The following PPP2R1B variants were observed in gnomAD, a reference collection of about 807,000 sequenced individuals.
The protein encoded by PPP2R1B is protein phosphatase 2 scaffold subunit Abeta, also known as serine/threonine-protein phosphatase 2A 65 kDa regulatory subunit A beta isoform.
PPP2R1B carries 58 observed loss-of-function variants against 72.7 expected under a neutral mutation model. The observed-to-expected ratio is 0.80, with a 90% CI of 0.65 to 0.99. The LOEUF (loss-of-function observed/expected upper bound fraction) is 0.99. Ranked by LOEUF, PPP2R1B falls within the 50% of genes least tolerant of loss-of-function variation. PPP2R1B has a pLI of 0.00. For missense variants in PPP2R1B, 695 were observed against 733.6 expected, an observed-to-expected ratio of 0.95 and a Z score of 0.61; for synonymous variants, 256 against 264.6, an observed-to-expected ratio of 0.97 and a Z score of 0.32.
Position 111,743,376 on chromosome 11 carries a change from A to C in PPP2R1B, c.1554T>G (p.Asn518Lys). Residue 518 changes from asparagine to lysine, a missense_variant and splice_region_variant, in exon 12 of 15, where the codon AAT becomes AAG. Physicochemically the swap from Asn to Lys is moderately conservative, Grantham distance 94. Coordinates refer to ENST00000527614, the MANE Select transcript of PPP2R1B (RefSeq NM_002716.5). Reference protein sequence around the residue: ...LHRMTTLFCINALSEACGQEI... With the variant: ...LHRMTTLFCIKALSEACGQEI... ...GCAATAACAGTTATGTTATACTTAC[A>C]TTAATGCAGAATAAAGTGGTCATTC... 2 of 1,604,328 alleles carry C rather than the reference A, an allele frequency of 1.2e-6. No homozygotes were observed. Among genetic ancestry groups the C allele is most frequent in the Non-Finnish European group, 8.5e-7 (1 of 1,173,770 alleles).
intron 3 of PPP2R1B, chr11:111,761,334 T>G: frequency 2.0e-6 from 1 of 504,022 alleles, no homozygotes; most frequent in Non-Finnish European, 3.7e-6. Flanking sequence ...AATATTAATA[T>G]TACTGTGAGT....
chr11:111,733,484 C>T (rs1944254324), downstream of PPP2R1B, among the ~76,000 whole-genome samples: 2 of 152,178 alleles, frequency 1.3e-5, no homozygotes, highest in Non-Finnish European at 1.5e-5. Context: ...AACTGAGTCA[C>T]TCTCTCCTCA....
downstream of PPP2R1B, among the ~76,000 whole-genome samples, chr11:111,733,259 T>C (rs1944247154): frequency 6.6e-6 from 1 of 152,114 alleles, no homozygotes; most frequent in South Asian, 2.1e-4. Flanking sequence ...GCTCTGAAAT[T>C]GGCAAAGAGA....
chr11:111,721,206 G>A, the PPP2R1B span: 23 of 1,021,560 alleles, frequency 2.3e-5, no homozygotes, highest in East Asian at 8.0e-5. Context: ...TCTTTGCCTT[G>A]TTGCTGCCAC....
chr11:111,700,788 T>C, the PPP2R1B span: 1 of 1,422,526 alleles, frequency 7.0e-7, no homozygotes, highest in Admixed American at 1.9e-5. Context: ...TAAATAGTAG[T>C]GATATTGTTA....
chr11:111,709,438 A>AT, the PPP2R1B span, among the ~76,000 whole-genome samples: 1 of 152,176 alleles, frequency 6.6e-6, no homozygotes, highest in South Asian at 2.1e-4. Flanking sequence ...AATAGCAACG[A>AT]TTTTCCCATA....
At chr11:111,723,802 A>ACAG (rs771606924), downstream of PPP2R1B, 18 of 1,613,686 alleles carry the variant, frequency 1.1e-5, no homozygotes, top group Middle Eastern at 1.6e-4. Flanking sequence ...CCACGCAGCT[A>ACAG]CAGCAGCAGC....
chr11:111,700,226 T>C, the PPP2R1B span, among the ~76,000 whole-genome samples: 1 of 152,188 alleles, frequency 6.6e-6, no homozygotes, highest in East Asian at 1.9e-4. Context: ...GAGAAGGCCA[T>C]TAACTGTTTT....
At chr11:111,743,281 C>A (rs1347634196) in intron 12 of PPP2R1B, 95 bp downstream of exon 12, 13 of 1,233,686 alleles carry the variant, frequency 1.1e-5, no homozygotes, top group African/African-American at 9.1e-5. Context: ...GACATATATT[C>A]CAAATAGAAG....
chr11:111,759,641 A>G (rs905005414), intron 5 of PPP2R1B, among the ~76,000 whole-genome samples, 163 bp downstream of exon 5: 6 of 152,258 alleles, frequency 3.9e-5, no homozygotes, highest in African/African-American at 9.6e-5. Context: ...AGAAAGAAAC[A>G]TAAGAACATT....
downstream of PPP2R1B, chr11:111,725,111 G>A (rs1307957206): frequency 1.3e-5 from 2 of 152,672 alleles, no homozygotes; most frequent in Non-Finnish European, 2.9e-5. Context: ...ATAGGGCTTA[G>A]AGATTTTAAG....
the PPP2R1B span, among the ~76,000 whole-genome samples, chr11:111,702,433 T>C: frequency 4.6e-5 from 7 of 152,164 alleles, no homozygotes; most frequent in Non-Finnish European, 8.8e-5. Flanking sequence ...AAAAAGTTTT[T>C]TTTCAATTAG....
At chr11:111,711,002 C>T in the PPP2R1B span, among the ~76,000 whole-genome samples, 1 of 152,274 alleles carries the variant, frequency 6.6e-6, no homozygotes, top group Non-Finnish European at 1.5e-5. Context: ...GTATTCAAAA[C>T]ACATCTAATA....
the PPP2R1B span, chr11:111,719,660 G>A: frequency 9.7e-7 from 1 of 1,035,176 alleles, no homozygotes; most frequent in South Asian, 1.5e-5. Flanking sequence ...ATATGTGCAT[G>A]TTTAAATATT....
At chr11:111,760,179 G>A (rs540968562) in intron 4 of PPP2R1B, among the ~76,000 whole-genome samples, 3 of 152,302 alleles carry the variant, frequency 2.0e-5, no homozygotes, top group Non-Finnish European at 4.4e-5. Context: ...GGGAGGCCCA[G>A]GTAGGAGGAC....
intron 15 of PPP2R1B, among the ~76,000 whole-genome samples, chr11:111,731,430 C>G (rs1944190086): frequency 6.6e-6 from 1 of 152,242 alleles, no homozygotes; most frequent in East Asian, 1.9e-4. Context: ...CCTTTTGAGG[C>G]CCAGCTCCAC....
chr11:111,694,407 C>T, the PPP2R1B span, among the ~76,000 whole-genome samples: 3 of 152,166 alleles, frequency 2.0e-5, no homozygotes, highest in South Asian at 4.2e-4. Context: ...CTGTACATCA[C>T]GAGTCACTTG....
rs974198778 is a variant in PPP2R1B, at chr11:111,738,778, G to A, written c.*2818C>T. ...AGCACAGAGAGAGAAACAAGACCTGGTCTCTTAAACCTGTGAGGGGTAAAC... is the reference window on the plus strand; with the variant it reads ...AGCACAGAGAGAGAAACAAGACCTGATCTCTTAAACCTGTGAGGGGTAAAC... On this transcript the variant is annotated 3_prime_UTR_variant, in exon 15 of 15. Coordinates refer to ENST00000527614, the MANE Select transcript of PPP2R1B (RefSeq NM_002716.5). 1 of 985,278 alleles carries A rather than the reference G, an allele frequency of 1.0e-6. No homozygotes were observed. Among genetic ancestry groups the A allele is most frequent in the East Asian group, 1.1e-4 (1 of 8,834 alleles). The allele number at this position is 985,278 out of a possible 1,614,324, so 61.0% of individuals were successfully genotyped here. A position where few individuals can be genotyped will look rare whatever the true frequency, so the allele number is the denominator to read the frequency against.
At chr11:111,705,167 T>C in the PPP2R1B span, 3 of 1,536,206 alleles carry the variant, frequency 2.0e-6, no homozygotes, top group Non-Finnish European at 1.7e-6. This position sits in a 1 kb window ranked among gnomAD's most constrained non-coding sequence, Gnocchi z 4.3. Context: ...GAGAGTCTTA[T>C]CTGTGCATGT....
Sources: gnomAD v4.1 joint callset for allele counts (sites outside exome capture counted in the v4.1 genomes callset) on GRCh38, gnomAD v4.1.1 for gene constraint, Gnocchi (gnomAD v3.1) non-coding constraint, MANE v1.5 for transcripts, NCBI Gene and HGNC (gene_info 2026-07-23, HGNC 2026-07-21) for gene names.